The following CFAP299 variants were observed in gnomAD, a reference collection of about 807,000 sequenced individuals.
The protein encoded by CFAP299 is cilia and flagella associated protein 299.
Under a neutral mutation model 27.0 loss-of-function variants are expected in CFAP299, and 21 were observed. The observed-to-expected ratio is 0.78, with a 90% confidence interval of 0.55 to 1.12. CFAP299 has a LOEUF of 1.12. CFAP299 is among the 50% of genes most tolerant of loss of function. The pLI is 0.00. For missense variants in CFAP299, 310 were observed against 276.6 expected, an observed-to-expected ratio of 1.12 and a Z score of -0.86; for synonymous variants, 104 against 98.1, an observed-to-expected ratio of 1.06 and a Z score of -0.36.
At chr4:80,860,451 G>A (rs999239165) in intron 3 of CFAP299, among the ~76,000 whole-genome samples, 5 of 152,154 alleles carry the variant, frequency 3.3e-5, no homozygotes, top group African/African-American at 1.2e-4. Flanking sequence ...TTGCTGGTGA[G>A]GAACTGCGAT....
chr4:80,550,783 ACG>A (rs1491230425), intron 2 of CFAP299, among the ~76,000 whole-genome samples: 3 of 148,866 alleles, frequency 2.0e-5, no homozygotes, highest in South Asian at 2.1e-4. Flanking sequence ...ACACACACAC[ACG>A]CACACACACA....
At chr4:80,618,934 C>T (rs868591162) in intron 3 of CFAP299, among the ~76,000 whole-genome samples, 1 of 151,718 alleles carries the variant, frequency 6.6e-6, no homozygotes, top group Non-Finnish European at 1.5e-5. Context: ...ATATGAAAAC[C>T]GTGCTAAAAT....
intron 3 of CFAP299, among the ~76,000 whole-genome samples, chr4:80,755,830 A>G (rs1173768725): frequency 1.3e-5 from 2 of 152,058 alleles, no homozygotes; most frequent in Non-Finnish European, 2.9e-5. Context: ...TTCCTTTCCT[A>G]TGGTGCTTTT....
At chr4:80,827,356 A>G (rs924200806) in intron 3 of CFAP299, among the ~76,000 whole-genome samples, 2 of 151,880 alleles carry the variant, frequency 1.3e-5, no homozygotes, top group Non-Finnish European at 2.9e-5. Context: ...ATGATTATAC[A>G]TCATGACCAA....
At chr4:80,492,271 C>T (rs568657756) in intron 2 of CFAP299, among the ~76,000 whole-genome samples, 3 of 152,286 alleles carry the variant, frequency 2.0e-5, no homozygotes, top group South Asian at 2.1e-4. Flanking sequence ...GTTCTCAGGA[C>T]GGACTTCCTG....
intron 4 of CFAP299, among the ~76,000 whole-genome samples, chr4:80,876,087 A>G (rs1010890076): frequency 6.6e-6 from 1 of 150,954 alleles, no homozygotes; most frequent in African/African-American, 2.4e-5. Context: ...GTACTAATTA[A>G]TAACTAAAGC....
At chr4:80,858,386 G>GT (rs770049466) in intron 3 of CFAP299, among the ~76,000 whole-genome samples, 3 of 152,066 alleles carry the variant, frequency 2.0e-5, no homozygotes, top group East Asian at 1.9e-4. Flanking sequence ...TTTTTGAAGG[G>GT]TTTTTTTGTA....
At chr4:80,355,730 A>G (rs1560527249) in intron 1 of CFAP299, among the ~76,000 whole-genome samples, 1 of 152,082 alleles carries the variant, frequency 6.6e-6, no homozygotes, top group African/African-American at 2.4e-5. Flanking sequence ...ATTTTCTCCT[A>G]TTCTGCTTAG....
chr4:80,571,829 A>G (rs1161045235), intron 2 of CFAP299, among the ~76,000 whole-genome samples: 3 of 152,122 alleles, frequency 2.0e-5, no homozygotes, highest in Admixed American at 6.6e-5. Context: ...GAACACAACC[A>G]TGCTGGCACC....
chr4:80,398,370 G>T (rs191160415), intron 2 of CFAP299, among the ~76,000 whole-genome samples: 1 of 152,080 alleles, frequency 6.6e-6, no homozygotes, highest in South Asian at 2.1e-4. Context: ...AAAAGAGCCC[G>T]CATTGCCAAT....
intron 2 of CFAP299, among the ~76,000 whole-genome samples, chr4:80,582,355 C>T (rs887350050): frequency 1.3e-5 from 2 of 151,788 alleles, no homozygotes; most frequent in Non-Finnish European, 2.9e-5. Context: ...CCATAGTCAA[C>T]TTGAGAGCAG....
chr4:80,361,726 A>G (rs1232062452), intron 1 of CFAP299, among the ~76,000 whole-genome samples: 3 of 152,172 alleles, frequency 2.0e-5, no homozygotes, highest in African/African-American at 7.2e-5. Flanking sequence ...CTAGGCTTAC[A>G]GTATATAATT....
Position 80,414,059 on chromosome 4 carries a change from T to C in CFAP299, c.242+51175T>C, listed in dbSNP as rs1258873825. On this transcript the variant is annotated intron_variant, in intron 2 of 5. Transcript: ENST00000358105. ...GAAAGGCATGCAAGAAACAAATGGG[T>C]ATTTCTTTTTTTTTTTTTTTTTTTT... Among the ~76,000 whole-genome samples, 69 of 105,936 alleles carry C rather than the reference T, an allele frequency of 6.5e-4. 1 individual carries two copies. Among genetic ancestry groups the C allele is most frequent in the African/African-American group, 2.2e-3 (67 of 30,928 alleles). The allele number at this position is 105,936 out of a possible 152,430, so 69.5% of individuals were successfully genotyped here.
At chr4:80,837,777 T>A (rs1730646855) in intron 3 of CFAP299, among the ~76,000 whole-genome samples, 1 of 151,274 alleles carries the variant, frequency 6.6e-6, no homozygotes, top group South Asian at 2.1e-4. Flanking sequence ...GTAGAATGGG[T>A]AAATACCCAG....
chr4:80,469,818 C>G (rs1729893184), intron 2 of CFAP299, among the ~76,000 whole-genome samples: 1 of 151,942 alleles, frequency 6.6e-6, no homozygotes, highest in Admixed American at 6.6e-5. Flanking sequence ...TGTAAGTCTT[C>G]TTGTATATTT....
chr4:80,400,821 A>G (rs1378786964), intron 2 of CFAP299, among the ~76,000 whole-genome samples: 6 of 152,346 alleles, frequency 3.9e-5, no homozygotes, highest in South Asian at 2.1e-4. Flanking sequence ...AGTCAGGAAA[A>G]TGTGAGAAAG....
intron 2 of CFAP299, chr4:80,388,520 G>A: frequency 7.0e-7 from 1 of 1,434,700 alleles, no homozygotes; most frequent in South Asian, 1.2e-5. Context: ...CATAAACACT[G>A]GCAGCGAGTT....
chr4:80,680,184 A>T (rs560951279), intron 3 of CFAP299, among the ~76,000 whole-genome samples: 1 of 152,030 alleles, frequency 6.6e-6, no homozygotes, highest in Non-Finnish European at 1.5e-5. Flanking sequence ...TTCTCTTTCT[A>T]TCAAATCTTT....
chr4:80,528,121 A>G (rs1733279995), intron 2 of CFAP299, among the ~76,000 whole-genome samples: 1 of 152,066 alleles, frequency 6.6e-6, no homozygotes, highest in African/African-American at 2.4e-5. Flanking sequence ...ATTTTGTTGT[A>G]TCAGTGTAGA....
Sources: gnomAD v4.1 joint callset for allele counts (sites outside exome capture counted in the v4.1 genomes callset) on GRCh38, gnomAD v4.1.1 for gene constraint, MANE v1.5 for transcripts, NCBI Gene and HGNC (gene_info 2026-07-23, HGNC 2026-07-21) for gene names.